The following NFATC2 variants were observed in gnomAD, a reference collection of about 807,000 sequenced individuals.
NFATC2 encodes the protein nuclear factor of activated T cells 2.
NFATC2 carries 22 observed loss-of-function variants against 87.3 expected under a neutral mutation model. That is an observed-to-expected ratio of 0.25 (90% CI 0.18 to 0.36). NFATC2 has a LOEUF of 0.36. Among genes scored for constraint, NFATC2 ranks in the 10% least tolerant of loss-of-function variants. The probability of loss-of-function intolerance (pLI) is 1.00; values close to 1 mark genes in which losing one functional copy is unlikely to be tolerated. For missense variants in NFATC2, 1,149 were observed against 1,259.1 expected, an observed-to-expected ratio of 0.91 and a Z score of 1.32; for synonymous variants, 565 against 542.2, an observed-to-expected ratio of 1.04 and a Z score of -0.58.
intron 6 of NFATC2, among the ~76,000 whole-genome samples, chr20:51,453,419 G>T (rs768631878): frequency 6.6e-6 from 1 of 152,088 alleles, no homozygotes; most frequent in Admixed American, 6.5e-5. Flanking sequence ...ATTGTTCTAA[G>T]GACAATAAAC....
At chr20:51,449,983 C>T (rs1985572439) in intron 6 of NFATC2, among the ~76,000 whole-genome samples, 1 of 152,142 alleles carries the variant, frequency 6.6e-6, no homozygotes, top group Non-Finnish European at 1.5e-5. Flanking sequence ...TAAAGTCTTA[C>T]TTGTCTTTGT....
intron 3 of NFATC2, among the ~76,000 whole-genome samples, chr20:51,497,766 G>A (rs903203743): frequency 2.6e-5 from 4 of 152,094 alleles, no homozygotes; most frequent in Non-Finnish European, 4.4e-5. Flanking sequence ...TGAGAGGCAC[G>A]CTTTGGACAC....
intron 1 of NFATC2, among the ~76,000 whole-genome samples, chr20:51,561,395 G>C (rs6067825): frequency 7.6e-6 from 1 of 131,580 alleles, no homozygotes; most frequent in African/African-American, 2.9e-5. Flanking sequence ...GAAAGAAAGA[G>C]AGAGAAAGAA....
chr20:51,505,880 C>T lies in NFATC2; in HGVS notation c.1332+10904G>A, dbSNP rs145327104. ...CAGAGGTCGCGGCATGAAACTAAAGCCTCCACATGAGAACAAATGCTCCTT... is the reference window on the plus strand; with the variant it reads ...CAGAGGTCGCGGCATGAAACTAAAGTCTCCACATGAGAACAAATGCTCCTT... On this transcript the variant is annotated intron_variant, in intron 3 of 10. Transcript: ENST00000371564. 5.8e-4 allele frequency among the ~76,000 whole-genome samples: 88 copies of T among 152,312 alleles called. 1 individual carries two copies. In the East Asian group the frequency reaches 0.015, roughly 25 times the overall value.
chr20:51,399,019 G>A (rs1987675456), intron 9 of NFATC2: 1 of 301,698 alleles, frequency 3.3e-6, no homozygotes. Flanking sequence ...CTGTGGGTAT[G>A]TGATGGGGTT....
chr20:51,416,535 C>T (rs1422169267), intron 9 of NFATC2, among the ~76,000 whole-genome samples: 1 of 152,100 alleles, frequency 6.6e-6, no homozygotes, highest in Non-Finnish European at 1.5e-5. Flanking sequence ...GGAGAGGCTA[C>T]GTGGGGGCCA....
chr20:51,467,136 G>GA (rs1195818573), intron 5 of NFATC2, among the ~76,000 whole-genome samples: 7 of 150,350 alleles, frequency 4.7e-5, no homozygotes, highest in Non-Finnish European at 8.9e-5. Flanking sequence ...CACAGACAGG[G>GA]AAAAATATAC....
At chr20:51,398,556 T>TA in intron 10 of NFATC2, 87 bp downstream of exon 10, 1 of 833,050 alleles carries the variant, frequency 1.2e-6, no homozygotes, top group Non-Finnish European at 1.8e-6. Flanking sequence ...TGTCAAGTTT[T>TA]CTTATACTTT....
intron 1 of NFATC2, among the ~76,000 whole-genome samples, chr20:51,557,517 T>C (rs2076988978): frequency 6.6e-6 from 1 of 152,158 alleles, no homozygotes; most frequent in Non-Finnish European, 1.5e-5. Flanking sequence ...TTGTTGCTGT[T>C]ATTGGGGGCT....
intron 3 of NFATC2, among the ~76,000 whole-genome samples, chr20:51,499,999 T>G (rs964180247): frequency 6.6e-6 from 1 of 152,208 alleles, no homozygotes; most frequent in African/African-American, 2.4e-5. Context: ...GCTCTGCCAA[T>G]TTAGTTGCTG....
chr20:51,542,241 GTAGGGGCACCC>G, intron 1 of NFATC2, 118 bp downstream of exon 1: 2 of 1,212,342 alleles, frequency 1.6e-6, no homozygotes, highest in Non-Finnish European at 2.2e-6. Context: ...TGGCACCTGG[GTAGGGGCACCC>G]TCCCTCCAGG....
chr20:51,446,576 C>T (rs1454255674), intron 6 of NFATC2, among the ~76,000 whole-genome samples: 1 of 152,328 alleles, frequency 6.6e-6, no homozygotes, highest in Non-Finnish European at 1.5e-5. Context: ...AATGAGTGTT[C>T]TAACTAAAAA....
intron 3 of NFATC2, among the ~76,000 whole-genome samples, chr20:51,512,091 A>C (rs1449263156): frequency 6.6e-6 from 1 of 152,154 alleles, no homozygotes; most frequent in Non-Finnish European, 1.5e-5. Context: ...AGAGACAGAG[A>C]GCACGGAGGA....
At chr20:51,457,425 C>A (rs1027401686) in intron 5 of NFATC2, among the ~76,000 whole-genome samples, 2 of 152,184 alleles carry the variant, frequency 1.3e-5, no homozygotes, top group South Asian at 2.1e-4. Context: ...GAGGCTGGCG[C>A]GGACAGTTGG....
chr20:51,464,317 T>C (rs749524557), intron 5 of NFATC2, among the ~76,000 whole-genome samples: 21 of 152,188 alleles, frequency 1.4e-4, no homozygotes, highest in Non-Finnish European at 2.9e-4. Flanking sequence ...ACACACGCAT[T>C]TAACCGCCAC....
At position 51,456,773 on chromosome 20, in the gene NFATC2, G is replaced by A. The variant is rs1011011227; in HGVS notation, c.1709-2085C>T. Among the ~76,000 whole-genome samples, 8 of 152,226 alleles carry A rather than the reference G, an allele frequency of 5.3e-5. No homozygotes were observed. The East Asian group carries it at 5.8e-4, about 11-fold the overall frequency. Reference sequence around the variant, plus strand: ...TGGGCAGCAACCGCGTGAGGCCCACGGCCCAATTCTAACCCTTCCCTCCTG... The same window carrying A: ...TGGGCAGCAACCGCGTGAGGCCCACAGCCCAATTCTAACCCTTCCCTCCTG... On this transcript the variant is annotated intron_variant, in intron 5 of 10. Transcript: ENST00000371564.
chr20:51,395,734 TGAC>T (rs1181009430), intron 10 of NFATC2, among the ~76,000 whole-genome samples: 11 of 151,186 alleles, frequency 7.3e-5, no homozygotes, highest in Admixed American at 2.0e-4. Context: ...TCAGTATATA[TGAC>T]AAAGTCATTT....
At chr20:51,516,304 G>A (rs1053102134) in intron 3 of NFATC2, among the ~76,000 whole-genome samples, 1 of 152,166 alleles carries the variant, frequency 6.6e-6, no homozygotes, top group Non-Finnish European at 1.5e-5. Flanking sequence ...ACAGAGGCTG[G>A]CGTGTTTGTG....
intron 9 of NFATC2, among the ~76,000 whole-genome samples, chr20:51,414,426 C>T (rs977717386): frequency 3.9e-5 from 6 of 152,072 alleles, no homozygotes; most frequent in African/African-American, 1.2e-4. Flanking sequence ...TGGTGGCTCA[C>T]GCCTGTAATC....
Sources: allele counts gnomAD v4.1 joint callset (sites outside exome capture counted in the v4.1 genomes callset), GRCh38; gene constraint gnomAD v4.1.1; transcripts MANE v1.5; gene names NCBI Gene and HGNC (gene_info 2026-07-23, HGNC 2026-07-21).